ZFAND3: variants seen among roughly 807,000 people sequenced by gnomAD.
The protein encoded by ZFAND3 is zinc finger AN1-type containing 3, also known as AN1-type zinc finger protein 3.
ZFAND3 carries 10 observed loss-of-function variants against 29.6 expected under a neutral mutation model. The ratio of observed to expected loss-of-function variants is 0.34; its 90% CI spans 0.21 to 0.57. ZFAND3 has a LOEUF of 0.57. Ranked by LOEUF, ZFAND3 falls within the 20% of genes least tolerant of loss-of-function variation. The pLI, the probability that ZFAND3 is intolerant of heterozygous loss-of-function variation, is 0.86. For missense variants in ZFAND3, 230 were observed against 304.5 expected, an observed-to-expected ratio of 0.76 and a Z score of 1.82; for synonymous variants, 128 against 112.6, an observed-to-expected ratio of 1.14 and a Z score of -0.87.
At chr6:37,990,399 G>C (rs1289019684) in intron 2 of ZFAND3, among the ~76,000 whole-genome samples, 27 of 152,106 alleles carry the variant, frequency 1.8e-4, no homozygotes, top group Non-Finnish European at 1.5e-5. Context: ...GTACTTCCTA[G>C]AGCCACTGTG....
rs1402299019 is a variant in ZFAND3, at chr6:38,137,902, A to G, written c.530-14333A>G. Among the ~76,000 whole-genome samples the G allele has an allele frequency of 2.0e-5, 3 of 152,232 alleles. No homozygotes were observed. The East Asian group carries it at 5.8e-4, about 29-fold the overall frequency. On this transcript the variant is annotated intron_variant, in intron 5 of 5. Coordinates refer to ENST00000287218, the MANE Select transcript of ZFAND3 (RefSeq NM_021943.3). ...CGTTGCGGGAGGAGAGTGGAGACGC[A>G]GCAGGGATCAGTCGGGGGCTTGCAT...
chr6:37,945,368 A>G (rs1000855424), intron 2 of ZFAND3, among the ~76,000 whole-genome samples: 5 of 152,142 alleles, frequency 3.3e-5, no homozygotes, highest in Non-Finnish European at 7.3e-5. Context: ...AATTTTGGAC[A>G]ATGGGAAATT....
chr6:37,946,063 G>A (rs1034074435), intron 2 of ZFAND3, among the ~76,000 whole-genome samples: 1 of 152,226 alleles, frequency 6.6e-6, no homozygotes, highest in African/African-American at 2.4e-5. Context: ...TTGAAAGGCT[G>A]CCTAGGACTT....
intron 5 of ZFAND3, among the ~76,000 whole-genome samples, chr6:38,138,776 G>A (rs1018208942): frequency 2.0e-5 from 3 of 152,246 alleles, no homozygotes; most frequent in Non-Finnish European, 4.4e-5. Context: ...CACTGAGGCA[G>A]AGAAGATGAG....
At chr6:38,035,761 AGAAATTGTTTAGGGTGG>A (rs1763645209) in intron 2 of ZFAND3, among the ~76,000 whole-genome samples, 1 of 152,238 alleles carries the variant, frequency 6.6e-6, no homozygotes, top group South Asian at 2.1e-4. Flanking sequence ...TTAATTTTCT[AGAAATTGTTTAGGGTGG>A]GAATTTCTAG....
chr6:37,874,928 T>C (rs533884465), intron 1 of ZFAND3, among the ~76,000 whole-genome samples: 229 of 152,304 alleles, frequency 1.5e-3, no homozygotes, highest in African/African-American at 5.2e-3. Context: ...AGGGCTAGAC[T>C]TTATCAGCTG....
At chr6:37,900,563 T>C (rs1023362398) in intron 1 of ZFAND3, among the ~76,000 whole-genome samples, 14 of 152,218 alleles carry the variant, frequency 9.2e-5, no homozygotes, top group South Asian at 2.1e-4. Flanking sequence ...TAGATTTTTT[T>C]CCCCTCTTTT....
chr6:38,028,429 A>G (rs1320463394), intron 2 of ZFAND3, among the ~76,000 whole-genome samples: 1 of 136,974 alleles, frequency 7.3e-6, no homozygotes, highest in African/African-American at 2.5e-5. Context: ...CCCTCACATT[A>G]TCTTTTTTTT....
intron 1 of ZFAND3, among the ~76,000 whole-genome samples, chr6:37,896,576 TTCTC>T (rs1206243927): frequency 2.2e-5 from 3 of 138,904 alleles, no homozygotes; most frequent in Non-Finnish European, 4.7e-5. Context: ...CTTTCTCTCT[TTCTC>T]TCTCTTTCTC....
intron 5 of ZFAND3, among the ~76,000 whole-genome samples, chr6:38,126,038 A>G (rs1236680499): frequency 1.3e-5 from 2 of 152,190 alleles, no homozygotes; most frequent in East Asian, 3.8e-4. Context: ...TCAGTTGTAC[A>G]ATACTTCCAT....
chr6:38,060,549 C>G (rs548763200), intron 2 of ZFAND3, among the ~76,000 whole-genome samples: 1 of 147,596 alleles, frequency 6.8e-6, no homozygotes, highest in African/African-American at 2.5e-5. Flanking sequence ...CTCTTTCTTT[C>G]TTACTCCTGG....
rs181054184 is a variant in ZFAND3, at chr6:38,050,074, C to T, written c.113-11519C>T. Reference sequence around the variant, plus strand: ...GGTTCAAGCAATTATCATGCGTCAGCCTCCTGAGTAGCTGGGATCACAGGT... The same window carrying T: ...GGTTCAAGCAATTATCATGCGTCAGTCTCCTGAGTAGCTGGGATCACAGGT... On this transcript the variant is annotated intron_variant, in intron 2 of 5. Coordinates refer to ENST00000287218, the MANE Select transcript of ZFAND3 (RefSeq NM_021943.3). 3.6e-3 allele frequency among the ~76,000 whole-genome samples: 544 copies of T among 149,972 alleles called. 3 individuals carry two copies. Among genetic ancestry groups the T allele is most frequent in the Middle Eastern group, 0.014 (4 of 286 alleles).
At chr6:37,847,447 G>A (rs1383802203) in intron 1 of ZFAND3, among the ~76,000 whole-genome samples, 1 of 152,058 alleles carries the variant, frequency 6.6e-6, no homozygotes, top group East Asian at 1.9e-4. Context: ...GGTGGCATTT[G>A]CCTGTAATCC....
At position 37,933,673 on chromosome 6, in the gene ZFAND3, G is replaced by A. The variant is rs537517456; in HGVS notation, c.112+3674G>A. 2.0e-5 allele frequency among the ~76,000 whole-genome samples: 3 copies of A among 152,258 alleles called. No individual in the cohort carries two copies. In the South Asian group the frequency reaches 6.2e-4, roughly 32 times the overall value. On this transcript the variant is annotated intron_variant, in intron 2 of 5. Coordinates refer to ENST00000287218, the MANE Select transcript of ZFAND3 (RefSeq NM_021943.3). ...TGTATCAGACCTTTGCATGTATGTG[G>A]AAGAGGGCCCAACCTGGCTGGGCTG... is the stretch of plus-strand genomic sequence containing the variant.
At chr6:38,039,192 T>C (rs1763714014) in intron 2 of ZFAND3, among the ~76,000 whole-genome samples, 1 of 152,224 alleles carries the variant, frequency 6.6e-6, no homozygotes, top group African/African-American at 2.4e-5. Flanking sequence ...ACAAGGTATG[T>C]CTTATTCCTC....
intron 5 of ZFAND3, among the ~76,000 whole-genome samples, chr6:38,124,531 C>T (rs916701923): frequency 6.6e-6 from 1 of 152,206 alleles, no homozygotes; most frequent in Non-Finnish European, 1.5e-5. Context: ...TGCCGGTGGG[C>T]CGCACTGCTG....
intron 1 of ZFAND3, among the ~76,000 whole-genome samples, chr6:37,906,236 CT>C (rs1309954846): frequency 6.6e-6 from 1 of 152,136 alleles, no homozygotes; most frequent in Non-Finnish European, 1.5e-5. Flanking sequence ...AGCCACTAAT[CT>C]ATTTTTTGTC....
chr6:38,096,417 C>T (rs917644534), intron 4 of ZFAND3, among the ~76,000 whole-genome samples: 4 of 152,156 alleles, frequency 2.6e-5, no homozygotes, highest in Non-Finnish European at 2.9e-5. Context: ...GTGATCCACC[C>T]GCCTCAGCCA....
At chr6:37,940,786 G>A (rs903304444) in intron 2 of ZFAND3, among the ~76,000 whole-genome samples, 2 of 152,086 alleles carry the variant, frequency 1.3e-5, no homozygotes, top group South Asian at 2.1e-4. Flanking sequence ...ACTAAATATT[G>A]GGGAGAGAGA....
Sources: allele counts gnomAD v4.1 joint callset (sites outside exome capture counted in the v4.1 genomes callset), GRCh38; gene constraint gnomAD v4.1.1; transcripts MANE v1.5; gene names NCBI Gene and HGNC (gene_info 2026-07-23, HGNC 2026-07-21).